Variants in PLEKHA2 observed in about 807,000 individuals in gnomAD.
The protein encoded by PLEKHA2 is pleckstrin homology domain containing A2, also known as pleckstrin homology domain-containing family A member 2.
PLEKHA2 carries 28 observed loss-of-function variants against 53.2 expected under a neutral mutation model. The ratio of observed to expected loss-of-function variants is 0.53; its 90% CI spans 0.39 to 0.72. The LOEUF is 0.72. Among genes scored for constraint, PLEKHA2 ranks in the 30% least tolerant of loss-of-function variants. The pLI is 0.00. For missense variants in PLEKHA2, 426 were observed against 537.9 expected (o/e 0.79, Z 2.06); for synonymous variants, 193 against 196.4 (o/e 0.98, Z 0.14).
In PLEKHA2 at chr8:38,968,684, T is replaced by C. The variant is rs371675216; in HGVS notation, c.915+15T>C. 6.2e-7 allele frequency: 1 copy of C among 1,613,512 alleles called. No homozygotes were observed. Among genetic ancestry groups the C allele is most frequent in the Non-Finnish European group, 8.5e-7 (1 of 1,179,600 alleles). ...GCCACCCCAGAGTAAGTCACTTCCT[T>C]TCTGTTGCACAGTGTCAACTCAGAG... On this transcript the variant is annotated intron_variant, in intron 11 of 11. Coordinates refer to ENST00000617275, the MANE Select transcript of PLEKHA2 (RefSeq NM_021623.2).
At chr8:38,917,239 G>A (rs1240728920) in intron 1 of PLEKHA2, among the ~76,000 whole-genome samples, 1 of 152,058 alleles carries the variant, frequency 6.6e-6, no homozygotes, top group Non-Finnish European at 1.5e-5. Flanking sequence ...TCTTCACTTT[G>A]TTGATTGTTT....
chr8:38,942,105 G>A (rs901069222), intron 3 of PLEKHA2, among the ~76,000 whole-genome samples: 1 of 152,094 alleles, frequency 6.6e-6, no homozygotes, highest in African/African-American at 2.4e-5. Context: ...TACGCTGCCC[G>A]TTAAAGTAGC....
chr8:38,956,909 A>G (rs1242146132), intron 9 of PLEKHA2, among the ~76,000 whole-genome samples: 2 of 152,196 alleles, frequency 1.3e-5, no homozygotes. Flanking sequence ...TGTGAAGATT[A>G]GATGAAATAA....
In PLEKHA2 at chr8:38,973,871, T is replaced by G; in HGVS notation, c.*4088T>G. ...TGTAGCAAAAATTTTCTAAAACTGT[T>G]TTGTGGCTTGTTTTGTAATAAAACC... is the stretch of plus-strand genomic sequence containing the variant. On this transcript the variant is annotated 3_prime_UTR_variant, in exon 12 of 12. Coordinates refer to ENST00000617275, the MANE Select transcript of PLEKHA2 (RefSeq NM_021623.2). The G allele has an allele frequency of 4.0e-6, 1 of 248,170 alleles. No homozygotes were observed. The highest frequency in any genetic ancestry group is 7.7e-6 in the Non-Finnish European group (1 of 129,708). 15.4% of individuals were successfully genotyped at this position (248,170 alleles called of 1,614,324 possible).
intron 1 of PLEKHA2, among the ~76,000 whole-genome samples, chr8:38,912,848 C>T (rs564203210): frequency 2.7e-4 from 41 of 152,198 alleles, no homozygotes; most frequent in South Asian, 1.5e-3. Flanking sequence ...TCCTTCCCCC[C>T]ACCTCCCACA....
intron 10 of PLEKHA2, among the ~76,000 whole-genome samples, chr8:38,967,618 G>A (rs1029818726): frequency 3.3e-5 from 5 of 151,344 alleles, no homozygotes; most frequent in Non-Finnish European, 7.4e-5. Flanking sequence ...ATGCTTCTTG[G>A]CCACTTGTAT....
intron 3 of PLEKHA2, among the ~76,000 whole-genome samples, chr8:38,940,432 G>A (rs776715829): frequency 6.6e-6 from 1 of 151,982 alleles, no homozygotes; most frequent in African/African-American, 2.4e-5. Flanking sequence ...TAGAAGGGGA[G>A]GATGAGATTG....
At chr8:38,928,984 G>C (rs892841209) in intron 2 of PLEKHA2, among the ~76,000 whole-genome samples, 1 of 152,132 alleles carries the variant, frequency 6.6e-6, no homozygotes, top group Admixed American at 6.5e-5. Flanking sequence ...TGGAATGTGG[G>C]GCAGCGGCAG....
intron 10 of PLEKHA2, among the ~76,000 whole-genome samples, chr8:38,961,829 CTGTT>C (rs916898550): frequency 1.1e-4 from 8 of 74,650 alleles, no homozygotes; most frequent in Non-Finnish European, 2.0e-4. Flanking sequence ...GGTCGTTTAA[CTGTT>C]TAACTCAGAT....
chr8:38,960,953 C>G (rs2129423962), intron 10 of PLEKHA2: 1 of 152,258 alleles, frequency 6.6e-6, no homozygotes, highest in South Asian at 2.1e-4. Context: ...ATGCATTGGT[C>G]ATTTGGAAAA....
At chr8:38,940,973 A>G (rs919135689) in intron 3 of PLEKHA2, among the ~76,000 whole-genome samples, 13 of 152,008 alleles carry the variant, frequency 8.6e-5, no homozygotes, top group Middle Eastern at 3.4e-3. Context: ...AACTCATCCA[A>G]TTTGTAACTG....
In PLEKHA2 at chr8:38,918,738, G is replaced by A. The variant is rs534630220; in HGVS notation, c.141+668G>A. On this transcript the variant is annotated intron_variant, in intron 2 of 11. Transcript: ENST00000617275. ...ACCTCATACACATGCAGACACATGC[G>A]CACACGCACACACCATACACACACA... 1.1e-3 allele frequency among the ~76,000 whole-genome samples: 148 copies of A among 129,006 alleles called. 1 individual carries two copies. The highest frequency in any genetic ancestry group is 3.9e-3 in the African/African-American group (130 of 33,550). 84.6% of individuals were successfully genotyped at this position (129,006 alleles called of 152,430 possible). A position where few individuals can be genotyped will look rare whatever the true frequency, so the allele number is the denominator to read the frequency against.
Position 38,969,909 on chromosome 8 carries a change from C to A in PLEKHA2, c.*126C>A. ...TATGTCACTCATATTCCTGTGGATG[C>A]TCTTTGGGAGGGAGGGGCCCATCCA... On this transcript the variant is annotated 3_prime_UTR_variant, in exon 12 of 12. Transcript: ENST00000617275. 1 of 1,370,458 alleles carries A rather than the reference C, an allele frequency of 7.3e-7. No homozygotes were observed. The highest frequency in any genetic ancestry group is 9.8e-7 in the Non-Finnish European group (1 of 1,025,274). 84.9% of individuals were successfully genotyped at this position (1,370,458 alleles called of 1,614,324 possible). A position where few individuals can be genotyped will look rare whatever the true frequency, so the allele number is the denominator to read the frequency against.
In PLEKHA2 at chr8:38,971,532, A is replaced by T. The variant is rs1835248108; in HGVS notation, c.*1749A>T. ...AGAAAGCACAAAATATGTGATGTGG[A>T]ACTCATGAAAATAGGGACTTTTGAT... is the stretch of plus-strand genomic sequence containing the variant. On this transcript the variant is annotated 3_prime_UTR_variant, in exon 12 of 12. Transcript: ENST00000617275. 6.6e-6 allele frequency: 1 copy of T among 152,228 alleles called. No individual in the cohort carries two copies. Among genetic ancestry groups the T allele is most frequent in the Non-Finnish European group, 1.5e-5 (1 of 68,040 alleles). The allele number at this position is 152,228 out of a possible 1,614,324, so 9.4% of individuals were successfully genotyped here.
chr8:38,950,976 A>C lies in PLEKHA2; in HGVS notation c.472A>C (p.Thr158Pro). Residue 158 changes from threonine (T) to proline (P), a missense_variant, in exon 6 of 12, where the codon ACA (threonine) becomes CCA (proline). By Grantham distance (38) the Thr-to-Pro change is conservative. Coordinates refer to ENST00000617275, the MANE Select transcript of PLEKHA2 (RefSeq NM_021623.2). Reference protein sequence around the residue: ...TEIIGGVVVHTPISQNGGDGQ... With the variant: ...TEIIGGVVVHPPISQNGGDGQ... Reference sequence around the variant, plus strand: ...GATCATTGGAGGGGTGGTGGTCCACACACCCATCAGCCAGGTGAGGGGCCT... The same window carrying C: ...GATCATTGGAGGGGTGGTGGTCCACCCACCCATCAGCCAGGTGAGGGGCCT... The C allele has an allele frequency of 1.2e-6, 2 of 1,613,050 alleles. No individual in the cohort carries two copies. Among genetic ancestry groups the C allele is most frequent in the Non-Finnish European group, 1.7e-6 (2 of 1,179,496 alleles).
chr8:38,930,702 C>G (rs981902912), intron 2 of PLEKHA2, among the ~76,000 whole-genome samples: 5 of 152,196 alleles, frequency 3.3e-5, no homozygotes, highest in Non-Finnish European at 7.3e-5. Flanking sequence ...TCTCCATTCC[C>G]TCTTCCTCTC....
At chr8:38,961,234 T>G (rs947695480) in intron 10 of PLEKHA2, among the ~76,000 whole-genome samples, 1 of 152,154 alleles carries the variant, frequency 6.6e-6, no homozygotes, top group African/African-American at 2.4e-5. Flanking sequence ...AGTCATTTGT[T>G]CTAAGTAAAA....
chr8:38,935,682 G>C (rs1475640728), intron 2 of PLEKHA2, among the ~76,000 whole-genome samples: 1 of 152,150 alleles, frequency 6.6e-6, no homozygotes, highest in Non-Finnish European at 1.5e-5. Flanking sequence ...GCCTTCCAAA[G>C]TACTGGGATT....
chr8:38,966,868 C>T (rs888535569), intron 10 of PLEKHA2, among the ~76,000 whole-genome samples: 26 of 151,764 alleles, frequency 1.7e-4, no homozygotes, highest in African/African-American at 6.3e-4. Context: ...TTGGTGAAGT[C>T]TGGGCTTTTG....
Sources: gnomAD v4.1 joint callset for allele counts (sites outside exome capture counted in the v4.1 genomes callset) on GRCh38, gnomAD v4.1.1 for gene constraint, MANE v1.5 for transcripts, NCBI Gene and HGNC (gene_info 2026-07-23, HGNC 2026-07-21) for gene names.